The following INSC variants were observed in gnomAD, a reference collection of about 807,000 sequenced individuals.
The protein encoded by INSC is INSC spindle orientation adaptor protein, also known as protein inscuteable homolog.
A neutral mutation model predicts 58.6 loss-of-function variants in INSC; 67 were observed. The ratio of observed to expected loss-of-function variants is 1.14; its 90% confidence interval spans 0.94 to 1.40. INSC has a LOEUF of 1.40. Among genes scored for constraint, INSC ranks in the 40% most tolerant of loss-of-function variants. The pLI, the probability that INSC is intolerant of heterozygous loss-of-function variation, is 0.00. For missense variants in INSC, 714 were observed against 692.0 expected, an observed-to-expected ratio of 1.03 and a Z score of -0.36; for synonymous variants, 262 against 276.1, an observed-to-expected ratio of 0.95 and a Z score of 0.51.
At chr11:15,193,450 C>T (rs149288883) in intron 6 of INSC, among the ~76,000 whole-genome samples, 1 of 152,206 alleles carries the variant, frequency 6.6e-6, no homozygotes, top group African/African-American at 2.4e-5. Flanking sequence ...CCCATCCCCC[C>T]ACTCCACAAC....
chr11:15,193,822 G>A (rs1337502566), intron 6 of INSC, among the ~76,000 whole-genome samples: 1 of 152,158 alleles, frequency 6.6e-6, no homozygotes, highest in Middle Eastern at 3.2e-3. Flanking sequence ...TGGGATGGCT[G>A]GGTCAAATGG....
chr11:15,161,392 G>A (rs942945163), intron 2 of INSC, among the ~76,000 whole-genome samples: 8 of 152,250 alleles, frequency 5.3e-5, no homozygotes, highest in African/African-American at 1.9e-4. Flanking sequence ...AGGATGAAGA[G>A]TGAAAATGGA....
upstream of INSC, among the ~76,000 whole-genome samples, chr11:15,114,760 G>GCAGCC (rs1379213574): frequency 4.0e-5 from 6 of 151,898 alleles, no homozygotes; most frequent in Non-Finnish European, 8.8e-5. Context: ...GAGACAGCAG[G>GCAGCC]CAGCCGTGGC....
At chr11:15,229,974 A>ATTTTATATATATTATTAT (rs1564917193) in intron 9 of INSC, among the ~76,000 whole-genome samples, 14 of 12,916 alleles carry the variant, frequency 1.1e-3, no homozygotes, top group African/African-American at 5.1e-3. Context: ...ATATATATAT[A>ATTTTATATATATTATTAT]TATATTATAT....
At chr11:15,186,290 T>C (rs1849965104) in intron 5 of INSC, among the ~76,000 whole-genome samples, 1 of 152,138 alleles carries the variant, frequency 6.6e-6, no homozygotes, top group African/African-American at 2.4e-5. Context: ...CAATGTTCTC[T>C]TTCCCTCTGT....
rs145427250 is a variant in INSC at position 15,168,531 on chromosome 11, G to A, written c.57-7210G>A. On this transcript the variant is annotated intron_variant, in intron 2 of 12. Transcript: ENST00000379556. ...TAGTTATTGTGACACGTGTGAAGGT[G>A]TTTTATATGGGGAAGAGCAGCACAG... is the stretch of plus-strand genomic sequence containing the variant. 7.5e-4 allele frequency among the ~76,000 whole-genome samples: 114 copies of A among 152,304 alleles called. 1 individual carries two copies. Among genetic ancestry groups the A allele is most frequent in the South Asian group, 2.1e-3 (10 of 4,820 alleles).
At chr11:15,247,756 T>TATATATATATATATATA (rs1473234183), downstream of INSC, among the ~76,000 whole-genome samples, 126 of 148,246 alleles carry the variant, frequency 8.5e-4, no homozygotes, top group Middle Eastern at 3.5e-3. Flanking sequence ...TATATATATA[T>TATATATATATATATATA]TTCACTGAGT....
At chr11:15,177,240 G>A (rs971510967) in intron 4 of INSC, 77 bp downstream of exon 4, 106 of 1,110,432 alleles carry the variant, frequency 9.5e-5, no homozygotes, top group African/African-American at 1.2e-4. Context: ...TCTTCTCCCA[G>A]AGGGAGAATG....
At chr11:15,151,402 A>G (rs1434512028) in intron 2 of INSC, among the ~76,000 whole-genome samples, 1 of 152,164 alleles carries the variant, frequency 6.6e-6, no homozygotes, top group Admixed American at 6.5e-5. Flanking sequence ...TATAAATAAC[A>G]GTAATAATCT....
chr11:15,177,268 G>A, intron 4 of INSC, 105 bp downstream of exon 4: 3 of 853,272 alleles, frequency 3.5e-6, no homozygotes, highest in Admixed American at 2.1e-5. Flanking sequence ...GAGGCGTGGT[G>A]GTGGTTTCAG....
intron 7 of INSC, among the ~76,000 whole-genome samples, chr11:15,207,712 T>C (rs569017895): frequency 6.6e-6 from 1 of 152,184 alleles, no homozygotes; most frequent in Non-Finnish European, 1.5e-5. Context: ...CACTGTCTGC[T>C]CCCTGTATAA....
chr11:15,136,876 A>G (rs1051953183), intron 1 of INSC, among the ~76,000 whole-genome samples: 2 of 152,222 alleles, frequency 1.3e-5, no homozygotes, highest in Non-Finnish European at 2.9e-5. Flanking sequence ...GTTCTTAATG[A>G]TATCTAGAAT....
At chr11:15,175,156 T>G (rs1302386704) in intron 2 of INSC, among the ~76,000 whole-genome samples, 2 of 152,256 alleles carry the variant, frequency 1.3e-5, no homozygotes, top group African/African-American at 4.8e-5. Context: ...CCTTTAGCAT[T>G]GTAATGTGTT....
intron 5 of INSC, among the ~76,000 whole-genome samples, chr11:15,185,471 A>T (rs954781155): frequency 6.6e-6 from 1 of 152,118 alleles, no homozygotes; most frequent in Non-Finnish European, 1.5e-5. Context: ...TTTATAATGT[A>T]TTTATTTCAT....
intron 1 of INSC, among the ~76,000 whole-genome samples, chr11:15,126,685 AT>A (rs982250777): frequency 2.0e-5 from 3 of 152,198 alleles, no homozygotes; most frequent in African/African-American, 4.8e-5. Flanking sequence ...GTTTTATTTA[AT>A]TATTCATTTA....
chr11:15,163,612 T>C (rs1175959902), intron 2 of INSC, among the ~76,000 whole-genome samples: 1 of 152,188 alleles, frequency 6.6e-6, no homozygotes, highest in Non-Finnish European at 1.5e-5. Flanking sequence ...TTTTTTGAGA[T>C]GGAGTCTTGC....
At chr11:15,195,039 G>C (rs1850318919) in intron 6 of INSC, among the ~76,000 whole-genome samples, 1 of 152,198 alleles carries the variant, frequency 6.6e-6, no homozygotes, top group Non-Finnish European at 1.5e-5. Flanking sequence ...TCTCTTTTGG[G>C]AGTCATTTAA....
chr11:15,225,535 T>C (rs755275157), intron 8 of INSC, 115 bp from the exon 9 acceptor site: 6 of 1,030,390 alleles, frequency 5.8e-6, no homozygotes, highest in African/African-American at 3.2e-5. Flanking sequence ...ATCTGTAAAA[T>C]GGGTATTATA....
chr11:15,233,967 A>G (rs900740200), intron 9 of INSC, among the ~76,000 whole-genome samples: 5 of 152,204 alleles, frequency 3.3e-5, no homozygotes, highest in African/African-American at 1.2e-4. Context: ...TTTCCAACCC[A>G]GCTTTTTCCT....
Sources: allele counts gnomAD v4.1 joint callset (sites outside exome capture counted in the v4.1 genomes callset), GRCh38; gene constraint gnomAD v4.1.1; transcripts MANE v1.5; gene names NCBI Gene and HGNC (gene_info 2026-07-23, HGNC 2026-07-21).